CDK8: variants seen among roughly 807,000 people sequenced by gnomAD.
CDK8 encodes cyclin-dependent kinase 8.
Under a neutral mutation model 71.5 loss-of-function variants are expected in CDK8, and 29 were observed. The observed-to-expected ratio is 0.41, with a 90% CI of 0.30 to 0.55. CDK8 has a LOEUF of 0.55. Among genes scored for constraint, CDK8 ranks in the 20% least tolerant of loss-of-function variants. CDK8 has a pLI of 0.37. For missense variants in CDK8, 288 were observed against 572.6 expected, an observed-to-expected ratio of 0.50 and a Z score of 5.07; for synonymous variants, 161 against 192.1, an observed-to-expected ratio of 0.84 and a Z score of 1.34.
At chr13:26,285,990 A>G (rs1159143540) in intron 1 of CDK8, among the ~76,000 whole-genome samples, 1 of 152,238 alleles carries the variant, frequency 6.6e-6, no homozygotes, top group Non-Finnish European at 1.5e-5. Flanking sequence ...ACTGCAAAAC[A>G]TTGCTGAAAG....
At position 26,337,564 on chromosome 13, in the gene CDK8, C is replaced by T; in HGVS notation, c.129-3C>T. The T allele has an allele frequency of 7.3e-7, 1 of 1,370,242 alleles. No individual in the cohort carries two copies. The highest frequency in any genetic ancestry group is 9.7e-7 in the Non-Finnish European group (1 of 1,030,510). 84.9% of individuals were successfully genotyped at this position (1,370,242 alleles called of 1,614,324 possible). A position where few individuals can be genotyped will look rare whatever the true frequency, so the allele number is the denominator to read the frequency against. On this transcript the variant is annotated splice_polypyrimidine_tract_variant and splice_region_variant and intron_variant, in intron 1 of 12. Transcript: ENST00000381527. ...ATATATTAAAATAACTTTGTTTTTA[C>T]AGGAAGGATGATAAAGACTATGCTT... is the stretch of plus-strand genomic sequence containing the variant.
At chr13:26,268,753 C>G (rs1477522818) in intron 1 of CDK8, among the ~76,000 whole-genome samples, 1 of 152,122 alleles carries the variant, frequency 6.6e-6, no homozygotes, top group East Asian at 1.9e-4. Context: ...TCAGATTTCT[C>G]TATTCCAACT....
At chr13:26,277,957 A>G (rs1404996195) in intron 1 of CDK8, among the ~76,000 whole-genome samples, 1 of 152,118 alleles carries the variant, frequency 6.6e-6, no homozygotes, top group African/African-American at 2.4e-5. Flanking sequence ...CTGTTTTGTG[A>G]CCCCCAAGTG....
rs540293069 is a variant in CDK8 at position 26,386,108 on chromosome 13, A to C, written c.646+766A>C. Among the ~76,000 whole-genome samples, 19 of 152,296 alleles carry C rather than the reference A, an allele frequency of 1.2e-4. 1 individual carries two copies. The South Asian group carries it at 3.5e-3, about 28-fold the overall frequency. On this transcript the variant is annotated intron_variant, in intron 6 of 12. Transcript: ENST00000381527. ...ATAATATCAGTTACCTCCCTATTAT[A>C]AAGAATGAGGAAATTAGTGCTCTTA...
chr13:26,323,110 A>G (rs1874856510), intron 1 of CDK8, among the ~76,000 whole-genome samples: 1 of 152,000 alleles, frequency 6.6e-6, no homozygotes, highest in Non-Finnish European at 1.5e-5. Context: ...TTTGTTCTTC[A>G]TTTTTCATTC....
At chr13:26,380,446 G>A (rs1875166221) in intron 4 of CDK8, among the ~76,000 whole-genome samples, 1 of 152,090 alleles carries the variant, frequency 6.6e-6, no homozygotes, top group Admixed American at 6.5e-5. Flanking sequence ...TTCTTGAAGT[G>A]CTGGGATTAC....
chr13:26,393,358 G>GT lies in CDK8; in HGVS notation c.647-5dup. On this transcript the variant is annotated splice_polypyrimidine_tract_variant and intron_variant, in intron 6 of 12. Coordinates refer to ENST00000381527, the MANE Select transcript of CDK8 (RefSeq NM_001260.3). ...TTTCTTTCTTTTTTTTTTTCTTTTT[G>GT]TTTTAAAGATATTTGGGCTATAGGG... is the stretch of plus-strand genomic sequence containing the variant. 8.1e-7 allele frequency: 1 copy of GT among 1,239,814 alleles called. No homozygotes were observed. The highest frequency in any genetic ancestry group is 1.9e-5 in the South Asian group (1 of 52,294). The allele number at this position is 1,239,814 out of a possible 1,614,324, so 76.8% of individuals were successfully genotyped here. A position where few individuals can be genotyped will look rare whatever the true frequency, so the allele number is the denominator to read the frequency against.
At chr13:26,354,577 C>G (rs1873814731) in intron 4 of CDK8, among the ~76,000 whole-genome samples, 1 of 152,180 alleles carries the variant, frequency 6.6e-6, no homozygotes, top group African/African-American at 2.4e-5. Flanking sequence ...ACCACCTGAG[C>G]TCCGCCTCCT....
chr13:26,399,213 T>A (rs1423810452), intron 9 of CDK8, among the ~76,000 whole-genome samples: 1 of 152,096 alleles, frequency 6.6e-6, no homozygotes, highest in Non-Finnish European at 1.5e-5. Context: ...TTTCACCATG[T>A]TGACCAGGCT....
intron 6 of CDK8, among the ~76,000 whole-genome samples, chr13:26,389,125 G>A (rs1172458423): frequency 1.3e-5 from 2 of 152,150 alleles, no homozygotes; most frequent in African/African-American, 2.4e-5. Flanking sequence ...TTTAGCCTGA[G>A]TCGTCTCTTT....
chr13:26,374,043 A>G (rs4479090), intron 4 of CDK8, among the ~76,000 whole-genome samples: 1 of 111,854 alleles, frequency 8.9e-6, no homozygotes. Flanking sequence ...AAAAACAAAA[A>G]ACAAAAAATT....
Position 26,313,759 on chromosome 13 carries a change from A to G in CDK8, c.129-23808A>G, listed in dbSNP as rs139022052. ...TGACTTGATGTAATTGTTGTGAGTG[A>G]ATTGAAGTAAGGTGGAATTGGGGAT... On this transcript the variant is annotated intron_variant, in intron 1 of 12. Transcript: ENST00000381527. Among the ~76,000 whole-genome samples the G allele has an allele frequency of 7.9e-5, 12 of 152,254 alleles. 1 individual carries two copies. In the East Asian group the frequency reaches 2.3e-3, roughly 29 times the overall value.
chr13:26,284,116 C>A (rs983937021), intron 1 of CDK8, among the ~76,000 whole-genome samples: 1 of 152,040 alleles, frequency 6.6e-6, no homozygotes, highest in Admixed American at 6.6e-5. Context: ...CACAACTTAC[C>A]AAACTTCTGG....
Position 26,401,750 on chromosome 13 carries a change from A to C in CDK8, c.1269+126A>C. On this transcript the variant is annotated intron_variant, in intron 12 of 12. Coordinates refer to ENST00000381527, the MANE Select transcript of CDK8 (RefSeq NM_001260.3). This position sits in a 1 kb window ranked among gnomAD's most constrained non-coding sequence, Gnocchi z 4.5. ...TACCCAGGGAAATACATTAACATGA[A>C]ATGTTACTGGCATGGAAAAGTACTG... 9.2e-6 allele frequency: 9 copies of C among 979,114 alleles called. No individual in the cohort carries two copies. The highest frequency in any genetic ancestry group is 1.4e-5 in the Non-Finnish European group (9 of 647,676). The allele number at this position is 979,114 out of a possible 1,614,324, so 60.7% of individuals were successfully genotyped here. A position where few individuals can be genotyped will look rare whatever the true frequency, so the allele number is the denominator to read the frequency against.
chr13:26,256,018 A>T (rs773074753), intron 1 of CDK8, among the ~76,000 whole-genome samples: 21 of 152,246 alleles, frequency 1.4e-4, no homozygotes, highest in Admixed American at 3.3e-4. Context: ...TCTTTCTAAA[A>T]GTATTTACAA....
intron 1 of CDK8, among the ~76,000 whole-genome samples, chr13:26,310,673 A>G (rs1158527080): frequency 6.6e-6 from 1 of 152,150 alleles, no homozygotes; most frequent in Non-Finnish European, 1.5e-5. Flanking sequence ...CTATAAATAC[A>G]GATGAAGCCT....
chr13:26,319,816 A>G (rs2137945193), intron 1 of CDK8, among the ~76,000 whole-genome samples: 1 of 152,298 alleles, frequency 6.6e-6, no homozygotes, highest in African/African-American at 2.4e-5. Flanking sequence ...CCAATTTCAA[A>G]ATTTATTACA....
intron 6 of CDK8, among the ~76,000 whole-genome samples, chr13:26,385,594 G>A (rs569125467): frequency 3.9e-4 from 60 of 152,094 alleles, no homozygotes; most frequent in Non-Finnish European, 4.3e-4. Context: ...AAAATTAGCC[G>A]GGCATGGTGG....
At chr13:26,311,711 T>C (rs1476246542) in intron 1 of CDK8, among the ~76,000 whole-genome samples, 1 of 151,668 alleles carries the variant, frequency 6.6e-6, no homozygotes, top group Non-Finnish European at 1.5e-5. Flanking sequence ...CTCACCCTCC[T>C]GCTCTCCCTC....
Sources: allele counts gnomAD v4.1 joint callset (sites outside exome capture counted in the v4.1 genomes callset), GRCh38; gene constraint gnomAD v4.1.1; non-coding constraint Gnocchi (gnomAD v3.1); transcripts MANE v1.5; gene names NCBI Gene and HGNC (gene_info 2026-07-23, HGNC 2026-07-21).